CCT7: variants seen among roughly 807,000 people sequenced by gnomAD.
CCT7 encodes T-complex protein 1 subunit eta.
A neutral mutation model predicts 56.6 loss-of-function variants in CCT7; 16 were observed. The ratio of observed to expected loss-of-function variants is 0.28; its 90% CI spans 0.19 to 0.43. The LOEUF (loss-of-function observed/expected upper bound fraction) is 0.43. Ranked by LOEUF, CCT7 falls within the 20% of genes least tolerant of loss-of-function variation. The probability of loss-of-function intolerance (pLI) is 1.00; values close to 1 mark genes in which losing one functional copy is unlikely to be tolerated. For synonymous variants in CCT7, 262 were observed against 254.8 expected, an observed-to-expected ratio of 1.03 and a Z score of -0.27; for missense variants, 519 against 685.6, an observed-to-expected ratio of 0.76 and a Z score of 2.71.
intron 8 of CCT7, 112 bp from the exon 9 acceptor site, chr2:73,249,707 T>G: frequency 1.4e-6 from 1 of 737,600 alleles, no homozygotes; most frequent in Non-Finnish European, 2.5e-6. Context: ...AAAGGGCGGG[T>G]AATGTAGAGG....
chr2:73,250,788 T>C (rs936632583), intron 10 of CCT7, among the ~76,000 whole-genome samples: 7 of 151,498 alleles, frequency 4.6e-5, no homozygotes, highest in Admixed American at 4.6e-4. Flanking sequence ...ATAAAAAAAT[T>C]AGCCAGGAAT....
intron 5 of CCT7, chr2:73,244,274 G>A: frequency 1.6e-6 from 1 of 615,038 alleles, no homozygotes; most frequent in East Asian, 2.7e-5. Context: ...TATGTGCCTG[G>A]GGCTGTTTGG....
intron 4 of CCT7, 170 bp downstream of exon 4, chr2:73,243,299 G>A: frequency 1.5e-6 from 1 of 686,376 alleles, no homozygotes; most frequent in Non-Finnish European, 2.5e-6. Flanking sequence ...CATTTGATGA[G>A]GTGTATTACT....
intron 4 of CCT7, 157 bp downstream of exon 4, chr2:73,243,286 A>T: frequency 3.9e-6 from 3 of 766,706 alleles, no homozygotes; most frequent in Non-Finnish European, 6.4e-6. Context: ...ACTAATCTGT[A>T]GCCATTTGAT....
intron 6 of CCT7, among the ~76,000 whole-genome samples, chr2:73,246,658 C>A (rs1276391867): frequency 6.6e-6 from 1 of 151,806 alleles, no homozygotes; most frequent in Non-Finnish European, 1.5e-5. Context: ...TACTTCCCCT[C>A]TCTCTTCTTC....
chr2:73,244,206 A>G (rs1687234594), intron 5 of CCT7, 157 bp downstream of exon 5: 1 of 759,928 alleles, frequency 1.3e-6, no homozygotes, highest in Non-Finnish European at 2.1e-6. Flanking sequence ...GGCCTTTGTC[A>G]GAACCTTGAC....
intron 3 of CCT7, among the ~76,000 whole-genome samples, chr2:73,240,935 T>C (rs1687081500): frequency 6.6e-6 from 1 of 151,360 alleles, no homozygotes; most frequent in Non-Finnish European, 1.5e-5. Context: ...AGGGTCTTAC[T>C]ATGTTTCCCA....
Position 73,243,006 on chromosome 2 carries a change from G to T in CCT7, c.270G>T (p.Val90=), listed in dbSNP as rs745969925. ...TATTTCCTGTCATCATCTTCCAGGT[G>T]GGTGATGGCACCACCTCAGTGACCT... ...VDIAKSQDAE[V]GDGTTSVTLL... The change falls in exon 4 of 12, where the codon GTG becomes GTT. Residue 90 remains valine, a splice_region_variant and synonymous_variant. Transcript: ENST00000258091. The T allele has an allele frequency of 1.2e-6, 2 of 1,613,754 alleles. No homozygotes were observed. Among genetic ancestry groups the T allele is most frequent in the East Asian group, 4.5e-5 (2 of 44,890 alleles).
At chr2:73,244,082 T>A (rs762552228) in intron 5 of CCT7, 33 bp downstream of exon 5, 183 of 1,449,196 alleles carry the variant, frequency 1.3e-4, no homozygotes, top group Non-Finnish European at 1.5e-4. Context: ...TTTTTTTTTT[T>A]AAAGAGACGG....
chr2:73,247,050 T>G (rs2103795372), intron 6 of CCT7, among the ~76,000 whole-genome samples: 1 of 152,314 alleles, frequency 6.6e-6, no homozygotes, highest in East Asian at 1.9e-4. Context: ...GAGTCAGCCC[T>G]GGGTGCAGTG....
intron 1 of CCT7, among the ~76,000 whole-genome samples, chr2:73,236,843 G>A (rs1350299893): frequency 6.6e-6 from 1 of 152,150 alleles, no homozygotes; most frequent in Admixed American, 6.5e-5. Flanking sequence ...TTTCTTCAGG[G>A]CCTGCAAAGC....
At chr2:73,241,758 G>C (rs1423428070) in intron 3 of CCT7, among the ~76,000 whole-genome samples, 1 of 143,234 alleles carries the variant, frequency 7.0e-6, no homozygotes, top group Admixed American at 7.0e-5. Flanking sequence ...TTTTTCTTTT[G>C]AGAGGGGGTT....
chr2:73,236,269 G>T (rs1443563926), intron 1 of CCT7, among the ~76,000 whole-genome samples: 1 of 152,148 alleles, frequency 6.6e-6, no homozygotes, highest in African/African-American at 2.4e-5. Flanking sequence ...TGAAGAGGAA[G>T]ATCAGTAAGC....
intron 11 of CCT7, 115 bp downstream of exon 11, chr2:73,251,547 C>T: frequency 3.4e-6 from 3 of 870,370 alleles, no homozygotes; most frequent in Non-Finnish European, 5.4e-6. Flanking sequence ...GCTGCAACTC[C>T]CCCCAGCCTG....
chr2:73,234,367 T>A lies in CCT7; in HGVS notation c.-12T>A, dbSNP rs1451247347. The A allele has an allele frequency of 1.2e-6, 2 of 1,613,492 alleles. No individual in the cohort carries two copies. Among genetic ancestry groups the A allele is most frequent in the South Asian group, 2.2e-5 (2 of 91,080 alleles). ...GAGGGGAGAGTGGCGGGCCGCTGAA[T>A]AAGCTTCCAAAATGATGGTGAGTGG... On this transcript the variant is annotated 5_prime_UTR_variant, in exon 1 of 12. Coordinates refer to ENST00000258091, the MANE Select transcript of CCT7 (RefSeq NM_006429.4).
At chr2:73,247,173 AGCTTAGAAATTAT>A (rs1216742333) in intron 6 of CCT7, among the ~76,000 whole-genome samples, 1 of 152,152 alleles carries the variant, frequency 6.6e-6, no homozygotes, top group Non-Finnish European at 1.5e-5. Flanking sequence ...CTGCAGTGAT[AGCTTAGAAATTAT>A]GCAGGGGATT....
In CCT7 at chr2:73,249,251, C is replaced by CA. The variant is rs1687471834; in HGVS notation, c.972+73dup. 5 of 1,205,426 alleles carry CA rather than the reference C, an allele frequency of 4.1e-6. No homozygotes were observed. The East Asian group carries it at 9.8e-5, about 24-fold the overall frequency. The allele number at this position is 1,205,426 out of a possible 1,614,324, so 74.7% of individuals were successfully genotyped here. ...GGGTTTTCACTGACCCCTGGTATAA[C>CA]AGAGTGTACTGTCAGGTTGGCGTGT... On this transcript the variant is annotated intron_variant, in intron 8 of 11. Coordinates refer to ENST00000258091, the MANE Select transcript of CCT7 (RefSeq NM_006429.4).
chr2:73,236,862 C>G (rs1425693303), intron 1 of CCT7, among the ~76,000 whole-genome samples: 1 of 152,170 alleles, frequency 6.6e-6, no homozygotes, highest in African/African-American at 2.4e-5. Flanking sequence ...GCATAGGGAA[C>G]CTGGGGAATC....
intron 3 of CCT7, among the ~76,000 whole-genome samples, chr2:73,242,057 A>G (rs1447595539): frequency 6.6e-6 from 1 of 151,500 alleles, no homozygotes; most frequent in Non-Finnish European, 1.5e-5. Context: ...TAGTTTTTGA[A>G]ATATAAAGAA....
Sources: allele counts gnomAD v4.1 joint callset (sites outside exome capture counted in the v4.1 genomes callset), GRCh38; gene constraint gnomAD v4.1.1; transcripts MANE v1.5; gene names NCBI Gene and HGNC (gene_info 2026-07-23, HGNC 2026-07-21).